Variants in GNA14 observed in about 807,000 individuals in gnomAD.
The protein encoded by GNA14 is guanine nucleotide-binding protein subunit alpha-14.
GNA14 carries 50 observed loss-of-function variants against 42.0 expected under a neutral mutation model. The ratio of observed to expected loss-of-function variants is 1.19; its 90% confidence interval spans 0.95 to 1.51. The LOEUF is 1.51. GNA14 is among the 40% of genes most tolerant of loss of function. GNA14 has a pLI of 0.00. For synonymous variants in GNA14, 173 were observed against 163.1 expected, an observed-to-expected ratio of 1.06 and a Z score of -0.46; for missense variants, 473 against 446.2, an observed-to-expected ratio of 1.06 and a Z score of -0.54.
chr9:77,495,291 C>T (rs948574610), intron 2 of GNA14, among the ~76,000 whole-genome samples: 1 of 151,902 alleles, frequency 6.6e-6, no homozygotes, highest in African/African-American at 2.4e-5. Context: ...TGAAATGTAG[C>T]TAGTTAGTAG....
At chr9:77,573,487 A>G (rs891296912) in intron 1 of GNA14, among the ~76,000 whole-genome samples, 3 of 152,000 alleles carry the variant, frequency 2.0e-5, no homozygotes, top group Non-Finnish European at 4.4e-5. Context: ...ATAATAAATA[A>G]ATAAATAAAT....
chr9:77,641,222 A>G (rs1049910424), intron 1 of GNA14, among the ~76,000 whole-genome samples: 5 of 151,528 alleles, frequency 3.3e-5, no homozygotes, highest in Admixed American at 2.6e-4. Flanking sequence ...GCCAACTGGT[A>G]AATGTGGAGA....
In GNA14 at chr9:77,641,685, G is replaced by A. The variant is rs543493285; in HGVS notation, c.124+5985C>T. 1.5e-4 allele frequency among the ~76,000 whole-genome samples: 23 copies of A among 152,280 alleles called. No individual in the cohort carries two copies. The East Asian group carries it at 4.4e-3, about 29-fold the overall frequency. ...AACTAAAAGGATATGAGAACCAAAT[G>A]CAATCCCTGAGCCTCCTCTGGACCC... On this transcript the variant is annotated intron_variant, in intron 1 of 6. Transcript: ENST00000341700.
chr9:77,460,754 G>T (rs1013240177), intron 2 of GNA14, among the ~76,000 whole-genome samples: 10 of 152,180 alleles, frequency 6.6e-5, no homozygotes, highest in African/African-American at 2.2e-4. Context: ...GGCTATGGGG[G>T]ATGGAAAGGG....
chr9:77,568,667 C>A (rs1042420731), intron 1 of GNA14, among the ~76,000 whole-genome samples: 1 of 152,066 alleles, frequency 6.6e-6, no homozygotes, highest in African/African-American at 2.4e-5. Flanking sequence ...CAACAGTTAA[C>A]CTGAGGAGGA....
chr9:77,606,843 G>T (rs1054044465), intron 1 of GNA14, among the ~76,000 whole-genome samples: 1 of 152,190 alleles, frequency 6.6e-6, no homozygotes, highest in Non-Finnish European at 1.5e-5. Flanking sequence ...AGGCCTTTGG[G>T]AGGTAATTAG....
chr9:77,525,611 T>C (rs549591835), intron 2 of GNA14, among the ~76,000 whole-genome samples: 2 of 150,900 alleles, frequency 1.3e-5, no homozygotes, highest in East Asian at 3.9e-4. Context: ...TGATCTCCGC[T>C]CACTGCAAGC....
At chr9:77,647,190 T>C (rs1202355015) in intron 1 of GNA14, among the ~76,000 whole-genome samples, 1 of 152,236 alleles carries the variant, frequency 6.6e-6, no homozygotes, top group African/African-American at 2.4e-5. Flanking sequence ...CGATATCACC[T>C]GCCCGCATCA....
intron 5 of GNA14, among the ~76,000 whole-genome samples, chr9:77,426,310 T>TA (rs112155308): frequency 0.1 from 15,312 of 151,684 alleles, 805 homozygotes; most frequent in Middle Eastern, 0.13. Context: ...GAACTTTTTT[T>TA]TTTTTCCTTT....
At position 77,431,331 on chromosome 9, in the gene GNA14, T is replaced by C. The variant is rs758907366; in HGVS notation, c.583A>G (p.Ile195Val). 6 of 1,613,644 alleles carry C rather than the reference T, an allele frequency of 3.7e-6. No individual in the cohort carries two copies. The African/African-American group carries it at 4.0e-5, about 11-fold the overall frequency. Reference protein sequence around the residue: ...IIEYPFDLENIIFRMVDVGGQ... With the variant: ...IIEYPFDLENVIFRMVDVGGQ... ...GGGAGACAGACTTACCGAAAGATGA[T>C]GTTTTCCAAGTCAAATGGATACTCA... is the stretch of plus-strand genomic sequence containing the variant. Residue 195 changes from isoleucine to valine, a missense_variant, in exon 4 of 7, where the codon ATC becomes GTC. Coordinates refer to ENST00000341700, the MANE Select transcript of GNA14 (RefSeq NM_004297.4).
At chr9:77,626,348 G>C (rs1057413640) in intron 1 of GNA14, among the ~76,000 whole-genome samples, 1 of 152,070 alleles carries the variant, frequency 6.6e-6, no homozygotes, top group African/African-American at 2.4e-5. Flanking sequence ...AATTAACAAG[G>C]ATATTCAGGA....
At chr9:77,569,568 C>T (rs936519616) in intron 1 of GNA14, among the ~76,000 whole-genome samples, 4 of 152,036 alleles carry the variant, frequency 2.6e-5, no homozygotes, top group Admixed American at 6.6e-5. Flanking sequence ...GGAGACCACT[C>T]GGTATAGTGA....
chr9:77,460,620 C>G (rs973588263), intron 2 of GNA14, among the ~76,000 whole-genome samples: 3 of 152,166 alleles, frequency 2.0e-5, no homozygotes, highest in East Asian at 3.9e-4. Flanking sequence ...AGAATCCCTG[C>G]AGGTCCTCAC....
intron 5 of GNA14, among the ~76,000 whole-genome samples, chr9:77,428,518 GC>G (rs1835491303): frequency 6.6e-6 from 1 of 152,052 alleles, no homozygotes; most frequent in African/African-American, 2.4e-5. Context: ...CCCCACTCAG[GC>G]CCCATTCACC....
Position 77,533,339 on chromosome 9 carries a change from C to T in GNA14, c.125-4086G>A, listed in dbSNP as rs558444666. On this transcript the variant is annotated intron_variant, in intron 1 of 6. Transcript: ENST00000341700. ...GGATTAGAGGCGTGTGCCACCACAC[C>T]TGGCTAATTTTTGTATTTTTAGTAG... 2.9e-3 allele frequency among the ~76,000 whole-genome samples: 444 copies of T among 152,276 alleles called. 2 individuals carry two copies. The highest frequency in any genetic ancestry group is 5.8e-3 in the Admixed American group (88 of 15,294).
rs59321037 is a variant in GNA14 at position 77,467,000 on chromosome 9, G to GGTGTGTGTGTGT, written c.310-32490_310-32479dup. 3.0e-3 allele frequency among the ~76,000 whole-genome samples: 435 copies of GGTGTGTGTGTGT among 143,616 alleles called. 4 individuals are homozygous for GGTGTGTGTGTGT. Among genetic ancestry groups the GGTGTGTGTGTGT allele is most frequent in the East Asian group, 4.8e-3 (23 of 4,840 alleles). The allele number at this position is 143,616 out of a possible 152,430, so 94.2% of individuals were successfully genotyped here. On this transcript the variant is annotated intron_variant, in intron 2 of 6. Transcript: ENST00000341700. ...AGGGTTTTTTTGCCTTTTACCACTC[G>GGTGTGTGTGTGT]GTGTGTGTGTGTGTGTGTGTGTGTG...
chr9:77,508,400 T>C (rs1837103879), intron 2 of GNA14, among the ~76,000 whole-genome samples: 2 of 152,070 alleles, frequency 1.3e-5, no homozygotes, highest in African/African-American at 4.8e-5. Flanking sequence ...AGAAGAGAAA[T>C]ATGGACTGTG....
At chr9:77,548,294 C>A (rs1013128563) in intron 1 of GNA14, among the ~76,000 whole-genome samples, 7 of 152,168 alleles carry the variant, frequency 4.6e-5, no homozygotes, top group Non-Finnish European at 8.8e-5. Context: ...TCTGGTGTGT[C>A]TGTGTCCCAT....
At chr9:77,635,287 A>G (rs1269870169) in intron 1 of GNA14, 1 of 152,180 alleles carries the variant, frequency 6.6e-6, no homozygotes, top group African/African-American at 2.4e-5. Context: ...CAATTTTAGT[A>G]TATGTGCTGC....
Sources: gnomAD v4.1 joint callset for allele counts (sites outside exome capture counted in the v4.1 genomes callset) on GRCh38, gnomAD v4.1.1 for gene constraint, MANE v1.5 for transcripts, NCBI Gene and HGNC (gene_info 2026-07-23, HGNC 2026-07-21) for gene names.